The following SYNE2 variants were observed in gnomAD, a reference collection of about 807,000 sequenced individuals.
The protein encoded by SYNE2 is spectrin repeat containing nuclear envelope protein 2.
Under a neutral mutation model 856.3 loss-of-function variants are expected in SYNE2, and 431 were observed. That is an observed-to-expected ratio of 0.50 (90% confidence interval 0.47 to 0.55). The LOEUF (loss-of-function observed/expected upper bound fraction) is 0.55, where lower values mean the gene tolerates loss of function less well. Ranked by LOEUF, SYNE2 falls within the 20% of genes least tolerant of loss-of-function variation. The probability of loss-of-function intolerance (pLI) is 0.00; values close to 1 mark genes in which losing one functional copy is unlikely to be tolerated. For synonymous variants in SYNE2, 2,923 were observed against 2,872.3 expected (o/e 1.02, Z -0.56); for missense variants, 8,129 against 8,023.2 (o/e 1.01, Z -0.50).
chr14:64,113,079 G>A (rs940371845), intron 65 of SYNE2: 4 of 985,370 alleles, frequency 4.1e-6, no homozygotes, highest in African/African-American at 3.5e-5. Flanking sequence ...GGCTCACCGG[G>A]TAGTGAACTG....
At chr14:63,814,482 TC>T (rs1417765106) in intron 1 of SYNE2, among the ~76,000 whole-genome samples, 1 of 108,308 alleles carries the variant, frequency 9.2e-6, no homozygotes, top group Non-Finnish European at 2.0e-5. Context: ...ATAATATATA[TC>T]CTTATATATA....
At position 64,052,517 on chromosome 14, in the gene SYNE2, T is replaced by C; in HGVS notation, c.8604T>C (p.Ala2868=). 1.2e-6 allele frequency: 2 copies of C among 1,614,144 alleles called. No homozygotes were observed. The highest frequency in any genetic ancestry group is 1.7e-6 in the Non-Finnish European group (2 of 1,180,032). The change falls in exon 48 of 116, where the codon GCT becomes GCC. Residue 2868 remains alanine (A), a synonymous_variant. Coordinates refer to ENST00000555002, the MANE Select transcript of SYNE2 (RefSeq NM_182914.3). ...IPRVETAATE[A]ELKHHHVTLE... ...GGGTGGAGACAGCTGCCACGGAAGCTGAACTAAAACATCACCATGTTACTT... is the reference window on the plus strand; with the variant it reads ...GGGTGGAGACAGCTGCCACGGAAGCCGAACTAAAACATCACCATGTTACTT...
intron 1 of SYNE2, among the ~76,000 whole-genome samples, chr14:63,885,663 G>A (rs1242680728): frequency 2.6e-5 from 4 of 152,048 alleles, no homozygotes; most frequent in Admixed American, 6.5e-5. Flanking sequence ...CTGCAGTGGC[G>A]TGATCATAGC....
intron 13 of SYNE2, among the ~76,000 whole-genome samples, chr14:63,978,439 C>A (rs913614613): frequency 2.6e-5 from 4 of 152,120 alleles, no homozygotes; most frequent in Admixed American, 6.5e-5. Flanking sequence ...AATTCATTAT[C>A]TTTTCTTATT....
At chr14:63,891,160 T>C (rs1162220568) in intron 1 of SYNE2, among the ~76,000 whole-genome samples, 1 of 152,214 alleles carries the variant, frequency 6.6e-6, no homozygotes, top group Non-Finnish European at 1.5e-5. Flanking sequence ...GAAAAACTTC[T>C]TTCCTGTACC....
chr14:63,801,750 G>A (rs7154239), intron 1 of SYNE2, among the ~76,000 whole-genome samples: 95,621 of 151,140 alleles, frequency 0.63, 30,716 homozygotes, highest in South Asian at 0.77. Context: ...ATTTAGGTTA[G>A]CCTTAATTTA....
chr14:64,092,849 A>C (rs937887437), intron 60 of SYNE2, among the ~76,000 whole-genome samples: 2 of 152,192 alleles, frequency 1.3e-5, no homozygotes, highest in Non-Finnish European at 2.9e-5. Flanking sequence ...ACTGATCCCA[A>C]GGGGTACCAG....
Position 64,009,983 on chromosome 14 carries a change from GA to G in SYNE2, c.4596del (p.Val1533PhefsTer5). On this transcript the variant is annotated frameshift_variant, in exon 32 of 116. Coordinates refer to ENST00000555002, the MANE Select transcript of SYNE2 (RefSeq NM_182914.3). LOFTEE classifies it high-confidence loss of function. ...LVTECLEQCG[R>X]VLELLKQYQN... The stretch of plus-strand genomic sequence containing the variant: ...ATTCTTAGTCTTGAACAATGTGGGA[GA>G]GTTTTGGAGCTCTTAAAACAATATC... 6.2e-7 allele frequency: 1 copy of G among 1,613,788 alleles called. No individual in the cohort carries two copies. The highest frequency in any genetic ancestry group is 8.5e-7 in the Non-Finnish European group (1 of 1,179,932).
chr14:63,906,251 TG>T (rs1337718103), intron 1 of SYNE2, among the ~76,000 whole-genome samples: 3 of 152,116 alleles, frequency 2.0e-5, no homozygotes, highest in African/African-American at 7.3e-5. Flanking sequence ...TCAGGGATAT[TG>T]GCCTGAAGTT....
chr14:64,058,239 A>G (rs1397105785), intron 49 of SYNE2, among the ~76,000 whole-genome samples: 1 of 152,144 alleles, frequency 6.6e-6, no homozygotes, highest in Non-Finnish European at 1.5e-5. Flanking sequence ...TTCTTTTAGT[A>G]GTTTCATAGG....
At chr14:64,174,883 A>AAT in intron 94 of SYNE2, 61 bp from the exon 95 acceptor site, 1 of 1,493,800 alleles carries the variant, frequency 6.7e-7, no homozygotes, top group Admixed American at 1.7e-5. Flanking sequence ...ACACAGGCAC[A>AAT]CACAATCACA....
In SYNE2 at chr14:64,093,525, GTGCATTTA is replaced by G. The variant is rs749885573; in HGVS notation, c.12108+47_12108+54del. 2.5e-6 allele frequency: 4 copies of G among 1,612,428 alleles called. No individual in the cohort carries two copies. In the Admixed American group the frequency reaches 6.7e-5, roughly 27 times the overall value. ...AAAGGTATGTTTCATTTGTCCATCAGTGCATTTATTTAATACTTACTAAGCCTTTGGTG... is the reference window on the plus strand; with the variant it reads ...AAAGGTATGTTTCATTTGTCCATCAGTTTAATACTTACTAAGCCTTTGGTG... On this transcript the variant is annotated intron_variant, in intron 61 of 115. Coordinates refer to ENST00000555002, the MANE Select transcript of SYNE2 (RefSeq NM_182914.3).
At chr14:64,138,987 TTTTA>T (rs1013719625) in intron 79 of SYNE2, among the ~76,000 whole-genome samples, 5 of 142,060 alleles carry the variant, frequency 3.5e-5, no homozygotes, top group African/African-American at 1.1e-4. Context: ...GTGTATGTAA[TTTTA>T]TTTATTTTTT....
At chr14:64,114,168 G>C (rs1341718823) in intron 66 of SYNE2, among the ~76,000 whole-genome samples, 1 of 152,182 alleles carries the variant, frequency 6.6e-6, no homozygotes, top group Non-Finnish European at 1.5e-5. Flanking sequence ...TTTTGCTTGG[G>C]AGGGGCAGGG....
chr14:63,990,842 A>C lies in SYNE2; in HGVS notation c.2473-100A>C, dbSNP rs12588189. ...TTATCATAATTTAGATAGATATCTA[A>C]ATATCTTTGTCTAGTGGGAAAATAA... On this transcript the variant is annotated intron_variant, in intron 20 of 115. Transcript: ENST00000555002. 6.8e-4 allele frequency: 658 copies of C among 970,364 alleles called. 3 individuals are homozygous for C. The East Asian group carries it at 0.011, about 17-fold the overall frequency. The allele number at this position is 970,364 out of a possible 1,614,324, so 60.1% of individuals were successfully genotyped here.
At chr14:64,080,404 TC>T in intron 55 of SYNE2, 51 bp from the exon 56 acceptor site, 2 of 1,580,156 alleles carry the variant, frequency 1.3e-6, no homozygotes, top group Non-Finnish European at 1.7e-6. Flanking sequence ...AGGCATTGCC[TC>T]CATAAACTAT....
intron 1 of SYNE2, among the ~76,000 whole-genome samples, chr14:63,777,257 C>A (rs1485320331): frequency 2.0e-5 from 3 of 152,240 alleles, no homozygotes; most frequent in African/African-American, 7.2e-5. Flanking sequence ...GACAGTCTTG[C>A]AATTCAGAGC....
chr14:63,798,855 A>AG (rs1888021219), intron 1 of SYNE2, among the ~76,000 whole-genome samples: 1 of 152,118 alleles, frequency 6.6e-6, no homozygotes, highest in Admixed American at 6.6e-5. Context: ...GTTCTAATGG[A>AG]GGGAAAAAAG....
At chr14:64,125,945 C>T (rs1224463888) in intron 71 of SYNE2, among the ~76,000 whole-genome samples, 1 of 152,168 alleles carries the variant, frequency 6.6e-6, no homozygotes, top group Non-Finnish European at 1.5e-5. Context: ...CCCAGCTATA[C>T]TTGATTTCAT....
Sources: gnomAD v4.1 joint callset for allele counts (sites outside exome capture counted in the v4.1 genomes callset) on GRCh38, gnomAD v4.1.1 for gene constraint, MANE v1.5 for transcripts, NCBI Gene and HGNC (gene_info 2026-07-23, HGNC 2026-07-21) for gene names.